PYROXD1: variants seen among roughly 807,000 people sequenced by gnomAD.
The protein encoded by PYROXD1 is tRNA ligase complex-associated NAD(P)H dehydrogenase PYROXD1.
In PYROXD1, 42 loss-of-function variants were observed where a neutral mutation model predicts 62.0. The observed-to-expected ratio is 0.68, with a 90% CI of 0.53 to 0.88. The LOEUF (loss-of-function observed/expected upper bound fraction) is 0.88, where lower values mean the gene tolerates loss of function less well. Among genes scored for constraint, PYROXD1 ranks in the 40% least tolerant of loss-of-function variants. PYROXD1 has a pLI of 0.00. For synonymous variants in PYROXD1, 170 were observed against 206.4 expected (o/e 0.82, Z 1.51); for missense variants, 493 against 604.8 (o/e 0.82, Z 1.94).
rs1184880793 is a variant in PYROXD1, at chr12:21,470,124, TCTAA to T, written c.*1374_*1377del. The T allele has an allele frequency of 5.2e-6, 8 of 1,538,028 alleles. No individual in the cohort carries two copies. Among genetic ancestry groups the T allele is most frequent in the Admixed American group, 3.9e-5 (2 of 50,944 alleles). ...TATGAAATTCTTTTAAAAACTATTG[TCTAA>T]CTACAAAAATAATGGCATATACATG... On this transcript the variant is annotated 3_prime_UTR_variant, in exon 12 of 12. Transcript: ENST00000240651.
Position 21,470,644 on chromosome 12 carries a change from A to G in PYROXD1, c.*1890A>G, listed in dbSNP as rs892917433. The G allele has an allele frequency of 4.3e-5, 14 of 323,424 alleles. No homozygotes were observed. Among genetic ancestry groups the G allele is most frequent in the Non-Finnish European group, 6.7e-5 (12 of 179,872 alleles). The allele number at this position is 323,424 out of a possible 1,614,324, so 20.0% of individuals were successfully genotyped here. The stretch of plus-strand genomic sequence containing the variant: ...TGGTTTAAAACAGTGGTTTCTAACC[A>G]CTGGAACAGCAGAAACAGACTTCTC... On this transcript the variant is annotated 3_prime_UTR_variant, in exon 12 of 12. Transcript: ENST00000240651.
intron 8 of PYROXD1, 133 bp downstream of exon 8, chr12:21,461,287 C>G: frequency 1.7e-6 from 1 of 582,998 alleles, no homozygotes; most frequent in African/African-American, 1.9e-5. Flanking sequence ...AAAATAAAAC[C>G]ATAATTTAAT....
intron 5 of PYROXD1, 69 bp from the exon 6 acceptor site, chr12:21,455,059 ATTAT>A: frequency 1.2e-6 from 1 of 868,142 alleles, no homozygotes; most frequent in Non-Finnish European, 1.6e-6. Flanking sequence ...TCAGGAGATC[ATTAT>A]TTGCAAATGC....
At position 21,470,971 on chromosome 12, in the gene PYROXD1, T is replaced by G; in HGVS notation, c.*2217T>G. 5 of 1,532,180 alleles carry G rather than the reference T, an allele frequency of 3.3e-6. No homozygotes were observed. Among genetic ancestry groups the G allele is most frequent in the Non-Finnish European group, 4.4e-6 (5 of 1,147,156 alleles). 94.9% of individuals were successfully genotyped at this position (1,532,180 alleles called of 1,614,324 possible). On this transcript the variant is annotated 3_prime_UTR_variant, in exon 12 of 12. Transcript: ENST00000240651. ...ACTGAAAATTAATAGCCATTTACCC[T>G]GAAAGAGTTCTGCGTGGACTTTGTC...
intron 7 of PYROXD1, among the ~76,000 whole-genome samples, chr12:21,457,349 C>T (rs1379204918): frequency 6.6e-6 from 1 of 151,928 alleles, no homozygotes; most frequent in African/African-American, 2.4e-5. Context: ...GGCATGAAAA[C>T]AACATTCATC....
chr12:21,466,713 G>A (rs1158267522), intron 10 of PYROXD1, among the ~76,000 whole-genome samples: 1 of 152,138 alleles, frequency 6.6e-6, no homozygotes, highest in African/African-American at 2.4e-5. Context: ...AATAGGAGTG[G>A]TGAGAGAGGG....
intron 7 of PYROXD1, among the ~76,000 whole-genome samples, chr12:21,459,140 C>T (rs1004572640): frequency 6.6e-6 from 1 of 152,142 alleles, no homozygotes; most frequent in Non-Finnish European, 1.5e-5. Flanking sequence ...TAGGTGGCTT[C>T]AGAATGGGGA....
At position 21,449,708 on chromosome 12, in the gene PYROXD1, G is replaced by A; in HGVS notation, c.414+17G>A. On this transcript the variant is annotated intron_variant, in intron 4 of 11. Transcript: ENST00000240651. ...AGTGCTCAGGTAACATTTTAAGGTT[G>A]GATCGTGAGAAGGAAAATAAAAGAA... The A allele has an allele frequency of 6.3e-7, 1 of 1,582,352 alleles. No individual in the cohort carries two copies. The highest frequency in any genetic ancestry group is 8.6e-7 in the Non-Finnish European group (1 of 1,167,440).
intron 7 of PYROXD1, 93 bp from the exon 8 acceptor site, chr12:21,460,932 C>T (rs1046472288): frequency 1.5e-5 from 12 of 777,294 alleles, no homozygotes; most frequent in African/African-American, 1.1e-4. Flanking sequence ...GTTTTCTATA[C>T]ATTTCTACAA....
At chr12:21,465,257 A>G (rs1300673533) in intron 10 of PYROXD1, among the ~76,000 whole-genome samples, 1 of 152,204 alleles carries the variant, frequency 6.6e-6, no homozygotes, top group Non-Finnish European at 1.5e-5. Context: ...CAACTTCCAC[A>G]ATGGTTGAAC....
chr12:21,446,129 A>G (rs1174551009), intron 3 of PYROXD1, among the ~76,000 whole-genome samples: 1 of 152,226 alleles, frequency 6.6e-6, no homozygotes. Context: ...TCACACTATA[A>G]GAAGTTGAGT....
At chr12:21,463,532 A>G (rs1253947221) in intron 10 of PYROXD1, among the ~76,000 whole-genome samples, 1 of 152,090 alleles carries the variant, frequency 6.6e-6, no homozygotes, top group Non-Finnish European at 1.5e-5. Flanking sequence ...CTTTACTAAA[A>G]ATACAAAAAA....
chr12:21,457,944 G>A (rs537190775), intron 7 of PYROXD1, among the ~76,000 whole-genome samples: 1 of 145,924 alleles, frequency 6.9e-6, no homozygotes, highest in African/African-American at 2.5e-5. Context: ...CAGAGGACAG[G>A]CAGGGTAGAT....
intron 5 of PYROXD1, among the ~76,000 whole-genome samples, chr12:21,452,688 C>T (rs4762832): frequency 0.49 from 75,064 of 151,786 alleles, 18,601 homozygotes; most frequent in Middle Eastern, 0.59. Flanking sequence ...CATCTTAAGA[C>T]GATATTACAA....
rs1437253055 is a variant in PYROXD1 at position 21,469,340 on chromosome 12, G to A, written c.*586G>A. The A allele has an allele frequency of 1.3e-5, 2 of 151,690 alleles. No homozygotes were observed. Among genetic ancestry groups the A allele is most frequent in the Admixed American group, 1.3e-4 (2 of 15,218 alleles). The allele number at this position is 151,690 out of a possible 1,614,324, so 9.4% of individuals were successfully genotyped here. ...TTTGAATGCAGCCCAACACAAATCT[G>A]TAAACTTTCTTAAAACATGAGATTT... On this transcript the variant is annotated 3_prime_UTR_variant, in exon 12 of 12. Coordinates refer to ENST00000240651, the MANE Select transcript of PYROXD1 (RefSeq NM_024854.5).
intron 1 of PYROXD1, 107 bp from the exon 2 acceptor site, chr12:21,440,261 C>T (rs1261138109): frequency 6.4e-6 from 4 of 623,636 alleles, no homozygotes; most frequent in South Asian, 2.4e-5. Flanking sequence ...TTTTAATTTT[C>T]TAGATTAATT....
At chr12:21,443,315 C>G (rs1942329831) in intron 2 of PYROXD1, among the ~76,000 whole-genome samples, 1 of 151,996 alleles carries the variant, frequency 6.6e-6, no homozygotes, top group East Asian at 1.9e-4. Context: ...AAAATGGGTA[C>G]AAATATACAT....
intron 4 of PYROXD1, among the ~76,000 whole-genome samples, 192 bp from the exon 5 acceptor site, chr12:21,451,889 A>T (rs1942505774): frequency 6.6e-6 from 1 of 152,216 alleles, no homozygotes; most frequent in Non-Finnish European, 1.5e-5. Context: ...AGCTTGGGAT[A>T]AAGCATAAAG....
intron 2 of PYROXD1, among the ~76,000 whole-genome samples, chr12:21,441,973 C>T (rs1387732868): frequency 9.9e-5 from 15 of 152,214 alleles, no homozygotes; most frequent in Admixed American, 8.5e-4. Flanking sequence ...TGTGCAGCTC[C>T]GTCAGCTGAG....
Sources: allele counts gnomAD v4.1 joint callset (sites outside exome capture counted in the v4.1 genomes callset), GRCh38; gene constraint gnomAD v4.1.1; transcripts MANE v1.5; gene names NCBI Gene and HGNC (gene_info 2026-07-23, HGNC 2026-07-21).